Variants in SUPT5H observed in about 807,000 individuals in gnomAD.
SUPT5H encodes the protein SPT5 homolog, DSIF elongation factor subunit, also known as transcription elongation factor SPT5.
Under a neutral mutation model 142.5 loss-of-function variants are expected in SUPT5H, and 24 were observed. The ratio of observed to expected loss-of-function variants is 0.17; its 90% CI spans 0.12 to 0.24. The LOEUF (loss-of-function observed/expected upper bound fraction) is 0.24, where lower values mean the gene tolerates loss of function less well. Ranked by LOEUF, SUPT5H falls within the 10% of genes least tolerant of loss-of-function variation. SUPT5H has a pLI of 1.00. For synonymous variants in SUPT5H, 546 were observed against 553.0 expected (o/e 0.99, Z 0.18); for missense variants, 893 against 1,471.8 (o/e 0.61, Z 6.43).
Position 39,473,126 on chromosome 19 carries a change from G to T in SUPT5H, c.2258+12G>T, listed in dbSNP as rs1199636792. 2.5e-6 allele frequency: 4 copies of T among 1,612,344 alleles called. No homozygotes were observed. Among genetic ancestry groups the T allele is most frequent in the Middle Eastern group, 1.6e-4 (1 of 6,080 alleles). ...CGGCTCACCACGGTGTACGGGCGGG[G>T]CCTGGGGAGGGCCAGGGTGGGGCTT... On this transcript the variant is annotated intron_variant, in intron 23 of 29. Coordinates refer to ENST00000432763, the MANE Select transcript of SUPT5H (RefSeq NM_001111020.3). The surrounding 1 kb of genome is among the most constrained non-coding windows in gnomAD (Gnocchi z 5.8).
chr19:39,467,093 AT>A, intron 13 of SUPT5H: 1 of 174,832 alleles, frequency 5.7e-6, no homozygotes, highest in African/African-American at 2.4e-5. Flanking sequence ...ATTTAAAAAG[AT>A]TGATGAGGCT....
intron 28 of SUPT5H, chr19:39,475,070 G>T: frequency 2.9e-6 from 1 of 344,526 alleles, no homozygotes; most frequent in Non-Finnish European, 5.5e-6. Context: ...TGAAGGGTTT[G>T]TTGTGGCTGG....
At chr19:39,459,809 T>G in intron 9 of SUPT5H, 83 bp from the exon 10 acceptor site, 1 of 1,488,964 alleles carries the variant, frequency 6.7e-7, no homozygotes, top group Non-Finnish European at 9.4e-7. Context: ...TACTTTATTT[T>G]TCTTGCTGCT....
At position 39,458,364 on chromosome 19, in the gene SUPT5H, T is replaced by G; in HGVS notation, c.319+59T>G. On this transcript the variant is annotated intron_variant, in intron 5 of 29. Transcript: ENST00000432763. The surrounding 1 kb of genome is among the most constrained non-coding windows in gnomAD (Gnocchi z 4.2). ...CCTCCCATATCCTGACATTTCCTCC[T>G]TCCTGAGGCACCTGCCCTCACCGGT... 1 of 1,574,202 alleles carries G rather than the reference T, an allele frequency of 6.4e-7. No individual in the cohort carries two copies. The highest frequency in any genetic ancestry group is 8.7e-7 in the Non-Finnish European group (1 of 1,154,160).
Position 39,472,405 on chromosome 19 carries a change from C to G in SUPT5H, c.1951-4C>G, listed in dbSNP as rs781498447. On this transcript the variant is annotated splice_region_variant and splice_polypyrimidine_tract_variant and intron_variant, in intron 20 of 29. Coordinates refer to ENST00000432763, the MANE Select transcript of SUPT5H (RefSeq NM_001111020.3). The surrounding 1 kb of genome is among the most constrained non-coding windows in gnomAD (Gnocchi z 4.2). ...TGCCAGTTCACTCCTTGCTTCTATC[C>G]TAGCCCCGTGATGTGACCAACTTCA... 6 of 1,613,920 alleles carry G rather than the reference C, an allele frequency of 3.7e-6. No homozygotes were observed. Among genetic ancestry groups the G allele is most frequent in the Non-Finnish European group, 5.1e-6 (6 of 1,179,954 alleles).
Position 39,473,658 on chromosome 19 carries a change from G to A in SUPT5H, c.2492+137G>A, listed in dbSNP as rs2079357666. ...TAGCCTCAGGCTGGTCCCTTTGAAG[G>A]AGGAGGCATAGCATGGCGGGGCGGG... On this transcript the variant is annotated intron_variant, in intron 25 of 29. Coordinates refer to ENST00000432763, the MANE Select transcript of SUPT5H (RefSeq NM_001111020.3). The surrounding 1 kb of genome is among the most constrained non-coding windows in gnomAD (Gnocchi z 5.8). 1 of 1,092,848 alleles carries A rather than the reference G, an allele frequency of 9.2e-7. No individual in the cohort carries two copies. 67.7% of individuals were successfully genotyped at this position (1,092,848 alleles called of 1,614,324 possible). A position where few individuals can be genotyped will look rare whatever the true frequency, so the allele number is the denominator to read the frequency against.
intron 3 of SUPT5H, among the ~76,000 whole-genome samples, chr19:39,454,353 GTTGTT>G (rs148457475): frequency 0.18 from 25,778 of 140,766 alleles, 2,315 homozygotes; most frequent in East Asian, 0.35. Context: ...TGTTGTTGTC[GTTGTT>G]TTTTTTTTTT....
In SUPT5H at chr19:39,468,749, A is replaced by G; in HGVS notation, c.1038-7A>G. The stretch of plus-strand genomic sequence containing the variant: ...CTTCTAATCTTCTCTCCCCCATCAA[A>G]TTCCAGGTCCCTGGGGGGTGATGTT... On this transcript the variant is annotated splice_polypyrimidine_tract_variant and splice_region_variant and intron_variant, in intron 13 of 29. Transcript: ENST00000432763. 1 of 1,613,360 alleles carries G rather than the reference A, an allele frequency of 6.2e-7. No homozygotes were observed. The highest frequency in any genetic ancestry group is 8.5e-7 in the Non-Finnish European group (1 of 1,179,354).
chr19:39,468,663 C>T, intron 13 of SUPT5H, 93 bp from the exon 14 acceptor site: 2 of 1,135,040 alleles, frequency 1.8e-6, no homozygotes, highest in Non-Finnish European at 2.6e-6. Flanking sequence ...GCCTGTGGTC[C>T]TCTCCTTCTG....
In SUPT5H at chr19:39,469,805, G is replaced by T. The variant is rs1357780193; in HGVS notation, c.1375-314G>T. On this transcript the variant is annotated intron_variant, in intron 16 of 29. Transcript: ENST00000432763. This position sits in a 1 kb window ranked among gnomAD's most constrained non-coding sequence, Gnocchi z 5.1. The stretch of plus-strand genomic sequence containing the variant: ...ATGTGTGGGGTGAGGCTGTCTCCGG[G>T]TGGGGCTGAGGAGCTGTCCAGTCGG... The T allele has an allele frequency of 2.1e-6, 1 of 474,168 alleles. No homozygotes were observed. The highest frequency in any genetic ancestry group is 3.8e-6 in the Non-Finnish European group (1 of 260,170). 29.4% of individuals were successfully genotyped at this position (474,168 alleles called of 1,614,324 possible).
chr19:39,452,082 G>A lies in SUPT5H; in HGVS notation c.76-1274G>A, dbSNP rs116889574. On this transcript the variant is annotated intron_variant, in intron 2 of 29. Coordinates refer to ENST00000432763, the MANE Select transcript of SUPT5H (RefSeq NM_001111020.3). ...ATATATGGGGCTGGGGGAAAAGGAT[G>A]GGTTGGAGAAATGATGTTTACAGGC... is the stretch of plus-strand genomic sequence containing the variant. 6.0e-4 allele frequency among the ~76,000 whole-genome samples: 92 copies of A among 152,226 alleles called. No individual in the cohort carries two copies. The East Asian group carries it at 0.014, about 22-fold the overall frequency.
chr19:39,457,648 A>G (rs750478472), intron 3 of SUPT5H, 27 bp from the exon 4 acceptor site: 5 of 1,610,786 alleles, frequency 3.1e-6, no homozygotes, highest in Non-Finnish European at 4.2e-6. Context: ...CACCTTTGCC[A>G]CTTACCACTT....
In SUPT5H at chr19:39,471,306, G is replaced by A. The variant is rs191789608; in HGVS notation, c.1678-51G>A. 92 of 1,611,028 alleles carry A rather than the reference G, an allele frequency of 5.7e-5. No individual in the cohort carries two copies. In the African/African-American group the frequency reaches 1.2e-3, roughly 21 times the overall value. Reference sequence around the variant, plus strand: ...CCACTTTAGGGAACCCCTGCCCCGTGTCTCCCCTTCCCATTCTCACCCCCA... The same window carrying A: ...CCACTTTAGGGAACCCCTGCCCCGTATCTCCCCTTCCCATTCTCACCCCCA... On this transcript the variant is annotated intron_variant, in intron 18 of 29. Transcript: ENST00000432763.
intron 10 of SUPT5H, among the ~76,000 whole-genome samples, chr19:39,464,567 A>C (rs938351287): frequency 6.6e-6 from 1 of 152,196 alleles, no homozygotes; most frequent in Non-Finnish European, 1.5e-5. Flanking sequence ...TTCATGGTAC[A>C]TTAAGCCATA....
chr19:39,453,476 C>A lies in SUPT5H; in HGVS notation c.196C>A (p.Pro66Thr), dbSNP rs1399081252. The A allele has an allele frequency of 1.9e-6, 3 of 1,550,006 alleles. No individual in the cohort carries two copies. The highest frequency in any genetic ancestry group is 2.6e-6 in the Non-Finnish European group (3 of 1,145,930). The change falls in exon 3 of 30, where the codon CCC (proline) becomes ACC (threonine). Residue 66 changes from proline (P) to threonine (T), a missense_variant. Physicochemically the swap from Pro to Thr is conservative, Grantham distance 38. Coordinates refer to ENST00000432763, the MANE Select transcript of SUPT5H (RefSeq NM_001111020.3). ...AGAGGAGGAAGAAGATGATGACCGACCCCCCAAGAAACCCCGCCATGGAGG... is the reference window on the plus strand; with the variant it reads ...AGAGGAGGAAGAAGATGATGACCGAACCCCCAAGAAACCCCGCCATGGAGG... ...EEEEEEDDDRPPKKPRHGGFI... is the reference protein window; with the variant it reads ...EEEEEEDDDRTPKKPRHGGFI...
rs767446830 is a variant in SUPT5H, at chr19:39,473,149, C to A, written c.2258+35C>A. On this transcript the variant is annotated intron_variant, in intron 23 of 29. Coordinates refer to ENST00000432763, the MANE Select transcript of SUPT5H (RefSeq NM_001111020.3). The surrounding 1 kb of genome is among the most constrained non-coding windows in gnomAD (Gnocchi z 5.8). ...GGGCCTGGGGAGGGCCAGGGTGGGGCTTGCTAGGCAGTGAGAGGGGTCTGC... is the reference window on the plus strand; with the variant it reads ...GGGCCTGGGGAGGGCCAGGGTGGGGATTGCTAGGCAGTGAGAGGGGTCTGC... The A allele has an allele frequency of 6.2e-7, 1 of 1,611,084 alleles. No homozygotes were observed. Among genetic ancestry groups the A allele is most frequent in the East Asian group, 2.2e-5 (1 of 44,858 alleles).
intron 2 of SUPT5H, among the ~76,000 whole-genome samples, chr19:39,452,597 CAG>C (rs2079034538): frequency 1.3e-5 from 2 of 152,172 alleles, no homozygotes; most frequent in South Asian, 2.1e-4. Flanking sequence ...GAATTAGCAA[CAG>C]GGGTGGCCAG....
In SUPT5H at chr19:39,458,604, C is replaced by G. The variant is rs1029508306; in HGVS notation, c.320-214C>G. 3 of 696,362 alleles carry G rather than the reference C, an allele frequency of 4.3e-6. No homozygotes were observed. The highest frequency in any genetic ancestry group is 2.4e-6 in the Non-Finnish European group (1 of 423,758). The allele number at this position is 696,362 out of a possible 1,614,324, so 43.1% of individuals were successfully genotyped here. A position where few individuals can be genotyped will look rare whatever the true frequency, so the allele number is the denominator to read the frequency against. On this transcript the variant is annotated intron_variant, in intron 5 of 29. Transcript: ENST00000432763. The surrounding 1 kb of genome is among the most constrained non-coding windows in gnomAD (Gnocchi z 4.2). Reference sequence around the variant, plus strand: ...TTGAGATGGGAACAGCTGGAAGCCCCCCAACTTGCTGGGCCCCATCCCCAG... The same window carrying G: ...TTGAGATGGGAACAGCTGGAAGCCCGCCAACTTGCTGGGCCCCATCCCCAG...
Position 39,469,213 on chromosome 19 carries a change from G to T in SUPT5H, c.1237+41G>T. The T allele has an allele frequency of 6.2e-7, 1 of 1,614,184 alleles. No individual in the cohort carries two copies. The highest frequency in any genetic ancestry group is 1.6e-4 in the Middle Eastern group (1 of 6,062). ...CTATAACCTGGGCCAAGGAGCAGGG[G>T]CGGCCCATGGTGGCAACCCCCGAGT... On this transcript the variant is annotated intron_variant, in intron 15 of 29. Coordinates refer to ENST00000432763, the MANE Select transcript of SUPT5H (RefSeq NM_001111020.3). The surrounding 1 kb of genome is among the most constrained non-coding windows in gnomAD (Gnocchi z 5.1).
Sources: gnomAD v4.1 joint callset for allele counts (sites outside exome capture counted in the v4.1 genomes callset) on GRCh38, gnomAD v4.1.1 for gene constraint, Gnocchi (gnomAD v3.1) non-coding constraint, MANE v1.5 for transcripts, NCBI Gene and HGNC (gene_info 2026-07-23, HGNC 2026-07-21) for gene names.